Variants in SYN3 observed in about 807,000 individuals in gnomAD.
The protein encoded by SYN3 is synapsin-3.
SYN3 carries 35 observed loss-of-function variants against 65.8 expected under a neutral mutation model. That is an observed-to-expected ratio of 0.53 (90% CI 0.41 to 0.70). The LOEUF (loss-of-function observed/expected upper bound fraction) is 0.70, where lower values mean the gene tolerates loss of function less well. Among genes scored for constraint, SYN3 ranks in the 30% least tolerant of loss-of-function variants. The pLI is 0.00. For missense variants in SYN3, 680 were observed against 749.0 expected, an observed-to-expected ratio of 0.91 and a Z score of 1.08; for synonymous variants, 270 against 292.9, an observed-to-expected ratio of 0.92 and a Z score of 0.80.
intron 6 of SYN3, among the ~76,000 whole-genome samples, chr22:32,725,937 A>G (rs2061184531): frequency 6.6e-6 from 1 of 152,176 alleles, no homozygotes; most frequent in South Asian, 2.1e-4. Flanking sequence ...TCCCCAAAAT[A>G]CGTAAAAGCT....
chr22:32,589,815 A>G (rs538942808), intron 7 of SYN3, among the ~76,000 whole-genome samples: 1 of 152,178 alleles, frequency 6.6e-6, no homozygotes, highest in Non-Finnish European at 1.5e-5. Context: ...TCCATCCACT[A>G]CTTGGTTCAT....
rs1011234141 is a variant in SYN3 at position 32,911,388 on chromosome 22, C to T, written c.461+20002G>A. Among the ~76,000 whole-genome samples, 70 of 152,174 alleles carry T rather than the reference C, an allele frequency of 4.6e-4. 1 individual carries two copies. Among genetic ancestry groups the T allele is most frequent in the African/African-American group, 1.7e-3 (70 of 41,442 alleles). On this transcript the variant is annotated intron_variant, in intron 4 of 13. Coordinates refer to ENST00000358763, the MANE Select transcript of SYN3 (RefSeq NM_003490.4). ...TTTTCAATCCCCACTTGGAGGACAC[C>T]GTATGCCTTTGCGTGGTGCACAAGC... is the stretch of plus-strand genomic sequence containing the variant.
chr22:32,604,590 T>C (rs2059339276), intron 6 of SYN3, among the ~76,000 whole-genome samples: 1 of 151,834 alleles, frequency 6.6e-6, no homozygotes, highest in Non-Finnish European at 1.5e-5. Flanking sequence ...TACTCATGTC[T>C]CCGCTGAAAT....
At position 32,516,086 on chromosome 22, in the gene SYN3, T is replaced by C. The variant is rs184893347; in HGVS notation, c.1610+1957A>G. Reference sequence around the variant, plus strand: ...GTGTTGGGATTACAGGCATGAGCCATCGCATCCAGCCCAGGATTTATTATT... The same window carrying C: ...GTGTTGGGATTACAGGCATGAGCCACCGCATCCAGCCCAGGATTTATTATT... On this transcript the variant is annotated intron_variant, in intron 13 of 13. Coordinates refer to ENST00000358763, the MANE Select transcript of SYN3 (RefSeq NM_003490.4). Among the ~76,000 whole-genome samples, 632 of 151,804 alleles carry C rather than the reference T, an allele frequency of 4.2e-3. 6 individuals carry two copies. Among genetic ancestry groups the C allele is most frequent in the Non-Finnish European group, 4.7e-3 (317 of 67,850 alleles).
At chr22:32,655,325 CTATTCTTT>C (rs2146970651) in intron 6 of SYN3, among the ~76,000 whole-genome samples, 1 of 152,310 alleles carries the variant, frequency 6.6e-6, no homozygotes, top group African/African-American at 2.4e-5. Context: ...AAATACATTT[CTATTCTTT>C]ATAAATGACC....
chr22:32,765,063 T>A (rs544786136), intron 6 of SYN3, among the ~76,000 whole-genome samples: 1 of 151,612 alleles, frequency 6.6e-6, no homozygotes, highest in African/African-American at 2.4e-5. Flanking sequence ...CTGAGGGTCT[T>A]TGAGACCTCG....
intron 4 of SYN3, among the ~76,000 whole-genome samples, chr22:32,897,680 A>G (rs888126895): frequency 2.6e-5 from 4 of 152,234 alleles, no homozygotes; most frequent in African/African-American, 9.6e-5. Context: ...GTGGAAAATG[A>G]AGATCATAAT....
intron 6 of SYN3, among the ~76,000 whole-genome samples, chr22:32,604,726 C>G (rs1439014624): frequency 6.6e-6 from 1 of 152,228 alleles, no homozygotes; most frequent in Non-Finnish European, 1.5e-5. Flanking sequence ...ACATTCATGA[C>G]TGGGCGCGGT....
chr22:32,522,887 C>T (rs769666401), intron 12 of SYN3, among the ~76,000 whole-genome samples: 37 of 152,100 alleles, frequency 2.4e-4, no homozygotes, highest in Non-Finnish European at 4.3e-4. Context: ...GAACTGGATT[C>T]AAACACACTA....
intron 6 of SYN3, among the ~76,000 whole-genome samples, chr22:32,826,735 C>T (rs1481351990): frequency 1.3e-5 from 2 of 152,296 alleles, no homozygotes; most frequent in East Asian, 3.9e-4. Context: ...TCAGATTCTG[C>T]AAACATTTAC....
At chr22:33,016,723 G>A (rs2053474113) in intron 1 of SYN3, among the ~76,000 whole-genome samples, 1 of 151,926 alleles carries the variant, frequency 6.6e-6, no homozygotes, top group South Asian at 2.1e-4. Context: ...TGTCTATTTG[G>A]TTTACTTGCC....
At chr22:32,681,876 C>T (rs2060526948) in intron 6 of SYN3, among the ~76,000 whole-genome samples, 1 of 152,138 alleles carries the variant, frequency 6.6e-6, no homozygotes, top group Non-Finnish European at 1.5e-5. Flanking sequence ...AAATGAACTG[C>T]AGGGCAAGTG....
At chr22:33,029,451 G>A (rs966408825) in intron 1 of SYN3, among the ~76,000 whole-genome samples, 19 of 152,020 alleles carry the variant, frequency 1.2e-4, no homozygotes, top group Admixed American at 9.8e-4. Flanking sequence ...CCAAAGCGCT[G>A]GGATTACAGG....
chr22:32,686,187 T>C (rs923103261), intron 6 of SYN3, among the ~76,000 whole-genome samples: 3 of 152,198 alleles, frequency 2.0e-5, no homozygotes, highest in Admixed American at 2.0e-4. Context: ...ACTGATGATT[T>C]GAGTTACTCT....
chr22:32,981,015 C>T (rs546532242), intron 2 of SYN3, among the ~76,000 whole-genome samples: 11 of 151,842 alleles, frequency 7.2e-5, no homozygotes, highest in East Asian at 2.0e-4. Flanking sequence ...CCATCACATC[C>T]GGCTATTTTT....
chr22:32,984,423 T>A (rs1382618957), intron 2 of SYN3, among the ~76,000 whole-genome samples: 1 of 152,164 alleles, frequency 6.6e-6, no homozygotes, highest in African/African-American at 2.4e-5. Context: ...GGTGCGGGTA[T>A]GTGGATTGCC....
At chr22:32,776,268 AG>A (rs2045906011) in intron 6 of SYN3, among the ~76,000 whole-genome samples, 1 of 152,130 alleles carries the variant, frequency 6.6e-6, no homozygotes, top group Non-Finnish European at 1.5e-5. Flanking sequence ...TCTGGCCTCC[AG>A]AAATGTGAGG....
intron 3 of SYN3, among the ~76,000 whole-genome samples, chr22:32,933,782 A>G (rs1481835015): frequency 6.6e-6 from 1 of 152,132 alleles, no homozygotes; most frequent in East Asian, 1.9e-4. Flanking sequence ...CCCACTGTTC[A>G]GCTGAATGAG....
chr22:32,981,325 C>A (rs1264821862), intron 2 of SYN3, among the ~76,000 whole-genome samples: 1 of 151,480 alleles, frequency 6.6e-6, no homozygotes, highest in Non-Finnish European at 1.5e-5. Flanking sequence ...GTGGCTCACG[C>A]CTGTAATCCC....
Sources: allele counts gnomAD v4.1 joint callset (sites outside exome capture counted in the v4.1 genomes callset), GRCh38; gene constraint gnomAD v4.1.1; transcripts MANE v1.5; gene names NCBI Gene and HGNC (gene_info 2026-07-23, HGNC 2026-07-21).